TYW1: variants seen among roughly 807,000 people sequenced by gnomAD.
The protein encoded by TYW1 is tRNA-yW synthesizing protein 1 homolog.
Under a neutral mutation model 96.2 loss-of-function variants are expected in TYW1, and 46 were observed. The observed-to-expected ratio is 0.48, with a 90% CI of 0.38 to 0.61. The LOEUF (loss-of-function observed/expected upper bound fraction) is 0.61. TYW1 is among the 20% of genes least tolerant of loss of function. The pLI is 0.00. For synonymous variants in TYW1, 274 were observed against 323.0 expected (o/e 0.85, Z 1.63); for missense variants, 684 against 909.6 (o/e 0.75, Z 3.19).
chr7:67,144,637 A>C (rs532529228), intron 13 of TYW1, among the ~76,000 whole-genome samples: 2 of 152,078 alleles, frequency 1.3e-5, no homozygotes, highest in African/African-American at 4.8e-5. Flanking sequence ...CACCTGGCTA[A>C]TTTTTGTATT....
At chr7:67,127,721 T>C (rs2116035962) in intron 13 of TYW1, among the ~76,000 whole-genome samples, 1 of 152,342 alleles carries the variant, frequency 6.6e-6, no homozygotes. Context: ...GAACTTCTTT[T>C]AACATTTCTT....
intron 15 of TYW1, among the ~76,000 whole-genome samples, chr7:67,227,945 T>C (rs1487776528): frequency 6.6e-6 from 1 of 152,186 alleles, no homozygotes; most frequent in South Asian, 2.1e-4. Context: ...TTCAGAGAGT[T>C]CTGTGGGTCC....
intron 5 of TYW1, among the ~76,000 whole-genome samples, chr7:67,015,852 A>G (rs961240922): frequency 1.3e-5 from 2 of 151,442 alleles, no homozygotes; most frequent in African/African-American, 4.9e-5. Flanking sequence ...AGTTCCAGCT[A>G]CTCGGGAGGC....
chr7:67,212,397 C>T (rs1418251822), intron 15 of TYW1, among the ~76,000 whole-genome samples: 2 of 151,702 alleles, frequency 1.3e-5, no homozygotes, highest in Admixed American at 1.3e-4. Flanking sequence ...ATTCATTCAC[C>T]TATTGAAGGA....
At chr7:67,197,572 T>A (rs543931470) in intron 15 of TYW1, among the ~76,000 whole-genome samples, 97 of 152,320 alleles carry the variant, frequency 6.4e-4, no homozygotes, top group Admixed American at 1.3e-3. Flanking sequence ...GTGATACACC[T>A]GTCTCAGTCT....
chr7:67,013,639 G>A (rs2129240950), intron 4 of TYW1, among the ~76,000 whole-genome samples: 1 of 151,258 alleles, frequency 6.6e-6, no homozygotes, highest in South Asian at 2.1e-4. Context: ...AACATGAGCT[G>A]TTGTTTTCTC....
At chr7:67,064,629 T>C (rs1488861947) in intron 9 of TYW1, among the ~76,000 whole-genome samples, 1 of 152,106 alleles carries the variant, frequency 6.6e-6, no homozygotes, top group African/African-American at 2.4e-5. Flanking sequence ...GATAAACCCA[T>C]CGGATCTTGT....
At chr7:66,997,199 C>A (rs374592412) in intron 1 of TYW1, among the ~76,000 whole-genome samples, 30 of 152,148 alleles carry the variant, frequency 2.0e-4, no homozygotes, top group African/African-American at 6.8e-4. Flanking sequence ...AGAAAACTAC[C>A]CCTCCCACTT....
intron 1 of TYW1, 43 bp from the exon 2 acceptor site, chr7:66,998,022 T>TCCATC: frequency 1.3e-6 from 2 of 1,544,726 alleles, no homozygotes; most frequent in Non-Finnish European, 1.7e-6. Context: ...TATCTTTGTA[T>TCCATC]ATGTAGCTTT....
chr7:67,199,198 A>AT (rs1340503233), intron 15 of TYW1, among the ~76,000 whole-genome samples: 20 of 152,130 alleles, frequency 1.3e-4, no homozygotes, highest in African/African-American at 2.9e-4. Context: ...CCATCTCAAA[A>AT]AAAAAAAATA....
At chr7:67,124,119 T>G (rs10277094) in intron 13 of TYW1, among the ~76,000 whole-genome samples, 41,799 of 152,184 alleles carry the variant, frequency 0.27, 6,548 homozygotes, top group African/African-American at 0.43. Flanking sequence ...TGACTCATAC[T>G]TTACCAGAAT....
intron 4 of TYW1, among the ~76,000 whole-genome samples, chr7:67,012,325 G>GA (rs1430136327): frequency 6.6e-6 from 1 of 152,016 alleles, no homozygotes; most frequent in Non-Finnish European, 1.5e-5. Flanking sequence ...TCCAGCCTGG[G>GA]TGACAGAGCG....
intron 12 of TYW1, among the ~76,000 whole-genome samples, chr7:67,117,043 T>C (rs1309218681): frequency 2.0e-5 from 3 of 152,124 alleles, no homozygotes; most frequent in Non-Finnish European, 4.4e-5. Context: ...TTCTTGTTCC[T>C]TAGAAGACTT....
At chr7:67,143,319 G>T (rs984368793) in intron 13 of TYW1, among the ~76,000 whole-genome samples, 3 of 152,204 alleles carry the variant, frequency 2.0e-5, no homozygotes, top group African/African-American at 7.2e-5. Flanking sequence ...TACAAGGAGC[G>T]TGAGGAGAGA....
chr7:67,227,946 C>T (rs935507603), intron 15 of TYW1, among the ~76,000 whole-genome samples: 6 of 152,168 alleles, frequency 3.9e-5, no homozygotes, highest in African/African-American at 1.4e-4. Context: ...TCAGAGAGTT[C>T]TGTGGGTCCT....
Position 67,199,886 on chromosome 7 carries a change from AGC to A in TYW1, c.1977+4551_1977+4552del, listed in dbSNP as rs1800531519. 2.0e-5 allele frequency among the ~76,000 whole-genome samples: 3 copies of A among 151,884 alleles called. No individual in the cohort carries two copies. In the South Asian group the frequency reaches 6.2e-4, roughly 32 times the overall value. On this transcript the variant is annotated intron_variant, in intron 15 of 15. Coordinates refer to ENST00000359626, the MANE Select transcript of TYW1 (RefSeq NM_018264.4). ...AGAAGGATTCCAGCCTGGGCGACAG[AGC>A]GAGAACCCATCAAGAAAGAAAGAGA...
intron 15 of TYW1, among the ~76,000 whole-genome samples, chr7:67,226,960 A>G (rs1013013927): frequency 1.2e-4 from 19 of 152,192 alleles, no homozygotes; most frequent in African/African-American, 4.3e-4. Context: ...TGGAAGACCC[A>G]TTTAGAAAAT....
intron 13 of TYW1, among the ~76,000 whole-genome samples, chr7:67,153,086 A>ATGATG (rs1425038841): frequency 1.3e-5 from 2 of 152,194 alleles, no homozygotes; most frequent in Non-Finnish European, 2.9e-5. Flanking sequence ...CAGTTGCTAG[A>ATGATG]TGATGTTTAT....
At chr7:67,058,462 G>T (rs1447051187) in intron 9 of TYW1, among the ~76,000 whole-genome samples, 1 of 152,108 alleles carries the variant, frequency 6.6e-6, no homozygotes, top group African/African-American at 2.4e-5. Context: ...TAAGCAACCT[G>T]TGTGGAAGAA....
Sources: allele counts gnomAD v4.1 joint callset (sites outside exome capture counted in the v4.1 genomes callset), GRCh38; gene constraint gnomAD v4.1.1; transcripts MANE v1.5; gene names NCBI Gene and HGNC (gene_info 2026-07-23, HGNC 2026-07-21).